The following FMN1 variants were observed in gnomAD, a reference collection of about 807,000 sequenced individuals.
FMN1 encodes formin-1.
In FMN1, 110 loss-of-function variants were observed where a neutral mutation model predicts 132.4. That is an observed-to-expected ratio of 0.83 (90% CI 0.71 to 0.97). The LOEUF (loss-of-function observed/expected upper bound fraction) is 0.97. Among genes scored for constraint, FMN1 ranks in the 50% least tolerant of loss-of-function variants. The pLI is 0.00. For missense variants in FMN1, 1,792 were observed against 1,705.3 expected (o/e 1.05, Z -0.90); for synonymous variants, 722 against 651.7 (o/e 1.11, Z -1.64).
intron 3 of FMN1, among the ~76,000 whole-genome samples, chr15:33,166,148 C>T (rs41451048): frequency 0.015 from 2,223 of 152,158 alleles, 64 homozygotes; most frequent in African/African-American, 0.051. Context: ...ATAGCAGATG[C>T]GGTTATTGTC....
chr15:32,821,745 C>T (rs751763380), intron 17 of FMN1, among the ~76,000 whole-genome samples: 6 of 152,026 alleles, frequency 3.9e-5, no homozygotes, highest in South Asian at 4.2e-4. Context: ...CCACCACATC[C>T]GGCTAATACT....
intron 16 of FMN1, among the ~76,000 whole-genome samples, chr15:32,867,412 G>A (rs12916552): frequency 0.012 from 1,853 of 152,120 alleles, 33 homozygotes; most frequent in South Asian, 0.016. Context: ...TCCCATTATG[G>A]TGTTCTCCTG....
chr15:32,902,136 CT>C (rs1196526545), intron 12 of FMN1, 96 bp from the exon 13 acceptor site: 1 of 1,020,310 alleles, frequency 9.8e-7, no homozygotes, highest in African/African-American at 1.6e-5. Flanking sequence ...CATTCCTTAC[CT>C]AACAATCTCA....
chr15:32,837,386 G>A (rs574907108), intron 17 of FMN1: 74 of 154,878 alleles, frequency 4.8e-4, no homozygotes, highest in Non-Finnish European at 8.4e-4. Flanking sequence ...TGGGGGTGGC[G>A]GTGGCAGTGA....
intron 6 of FMN1, among the ~76,000 whole-genome samples, chr15:33,051,088 T>A (rs1345389493): frequency 1.3e-5 from 2 of 152,168 alleles, no homozygotes; most frequent in Non-Finnish European, 2.9e-5. Flanking sequence ...GGACCCCCCC[T>A]TTAAGAAGGC....
intron 7 of FMN1, among the ~76,000 whole-genome samples, chr15:32,986,083 G>A (rs1458781672): frequency 6.6e-6 from 1 of 151,992 alleles, no homozygotes; most frequent in Non-Finnish European, 1.5e-5. Context: ...CGATAATAGG[G>A]GTTATAGATT....
chr15:32,952,904 G>A (rs1208674010), intron 9 of FMN1, among the ~76,000 whole-genome samples: 1 of 152,168 alleles, frequency 6.6e-6, no homozygotes. Flanking sequence ...CCATCTGGCT[G>A]CTTCTGTGGG....
chr15:32,984,732 T>C lies in FMN1; in HGVS notation c.2224-15255A>G, dbSNP rs150846949. On this transcript the variant is annotated intron_variant, in intron 7 of 20. Coordinates refer to ENST00000616417, the MANE Select transcript of FMN1 (RefSeq NM_001277313.2). ...GAGAAAAGCGTGAACACATTGTGGC[T>C]AAGTGAAATTCAACATTTTTTTCTA... Among the ~76,000 whole-genome samples the C allele has an allele frequency of 1.3e-3, 194 of 152,250 alleles. 1 individual carries two copies. The highest frequency in any genetic ancestry group is 4.5e-3 in the African/African-American group (185 of 41,558).
Position 32,900,010 on chromosome 15 carries a change from A to G in FMN1, c.3623T>C (p.Ile1208Thr). ...RGQADGYSLE[I>T]LPKLKDVKSR... ...TTTGACATCCTTGAGTTTGGGCAGA[A>G]TTTCTAAGCTATATCCATCGGCTTG... is the stretch of plus-strand genomic sequence containing the variant. Residue 1208 changes from isoleucine (I) to threonine (T), a missense_variant, in exon 14 of 21, where the codon ATT becomes ACT. Ile to Thr is a moderately conservative substitution (Grantham distance 89, BLOSUM62 -1). Transcript: ENST00000616417. The G allele has an allele frequency of 6.2e-7, 1 of 1,613,918 alleles. No homozygotes were observed. The highest frequency in any genetic ancestry group is 8.5e-7 in the Non-Finnish European group (1 of 1,179,874).
chr15:32,789,883 G>A (rs972599197), intron 19 of FMN1, among the ~76,000 whole-genome samples: 3 of 152,130 alleles, frequency 2.0e-5, no homozygotes, highest in African/African-American at 7.2e-5. Flanking sequence ...GTAACCTGCC[G>A]TACAGGTTTG....
intron 6 of FMN1, among the ~76,000 whole-genome samples, chr15:33,025,123 A>G (rs1032129071): frequency 6.6e-6 from 1 of 152,190 alleles, no homozygotes; most frequent in African/African-American, 2.4e-5. Flanking sequence ...GAAGGCTTCA[A>G]ATATATTTGT....
intron 17 of FMN1, among the ~76,000 whole-genome samples, chr15:32,805,329 T>A (rs927504834): frequency 2.0e-5 from 3 of 152,258 alleles, no homozygotes; most frequent in African/African-American, 7.2e-5. Context: ...TCTGTTCATA[T>A]CCTTTGCCCA....
intron 4 of FMN1, among the ~76,000 whole-genome samples, chr15:33,132,331 T>C (rs1460008290): frequency 6.6e-6 from 1 of 152,218 alleles, no homozygotes; most frequent in African/African-American, 2.4e-5. Context: ...CCCGCTCTCT[T>C]GTACTACTGT....
intron 6 of FMN1, among the ~76,000 whole-genome samples, chr15:33,028,606 CA>C (rs1377360524): frequency 6.6e-5 from 10 of 152,132 alleles, no homozygotes; most frequent in Non-Finnish European, 1.3e-4. Flanking sequence ...TGGCAAAACT[CA>C]AGATAATCTG....
chr15:33,100,359 A>G (rs2039249534), intron 4 of FMN1, among the ~76,000 whole-genome samples: 2 of 152,232 alleles, frequency 1.3e-5, no homozygotes, highest in South Asian at 4.1e-4. Flanking sequence ...TGAAACAAAT[A>G]CACTCAAAGG....
At chr15:32,801,673 C>T (rs950725213) in intron 18 of FMN1, among the ~76,000 whole-genome samples, 1 of 152,140 alleles carries the variant, frequency 6.6e-6, no homozygotes, top group African/African-American at 2.4e-5. Flanking sequence ...TAGGCACCTG[C>T]AGGCCCAGCC....
intron 7 of FMN1, among the ~76,000 whole-genome samples, chr15:32,988,095 A>G (rs1277459122): frequency 7.1e-6 from 1 of 140,974 alleles, no homozygotes; most frequent in Non-Finnish European, 1.5e-5. Flanking sequence ...TTAGGTTGCT[A>G]ATAAGCAGGG....
chr15:33,088,526 C>A (rs1337886069), intron 5 of FMN1, among the ~76,000 whole-genome samples: 1 of 152,174 alleles, frequency 6.6e-6, no homozygotes, highest in Non-Finnish European at 1.5e-5. Flanking sequence ...AATGAGAGAT[C>A]TAGGCTGCAA....
chr15:32,979,930 T>C (rs2032516290), intron 7 of FMN1, among the ~76,000 whole-genome samples: 1 of 152,230 alleles, frequency 6.6e-6, no homozygotes, highest in Non-Finnish European at 1.5e-5. Context: ...CTTAAACAAA[T>C]GACCGATGAT....
Sources: allele counts gnomAD v4.1 joint callset (sites outside exome capture counted in the v4.1 genomes callset), GRCh38; gene constraint gnomAD v4.1.1; transcripts MANE v1.5; gene names NCBI Gene and HGNC (gene_info 2026-07-23, HGNC 2026-07-21).